The following RBFOX1 variants were observed in gnomAD, a reference collection of about 807,000 sequenced individuals.
RBFOX1 encodes the protein RNA binding protein fox-1 homolog 1.
Under a neutral mutation model 57.7 loss-of-function variants are expected in RBFOX1, and 8 were observed. The observed-to-expected ratio is 0.14, with a 90% CI of 0.08 to 0.25. The LOEUF is 0.25. Among genes scored for constraint, RBFOX1 ranks in the 10% least tolerant of loss-of-function variants. The pLI is 1.00. For missense variants in RBFOX1, 611 were observed against 548.5 expected (o/e 1.11, Z -1.14); for synonymous variants, 326 against 222.4 (o/e 1.47, Z -4.15).
At chr16:5,581,822 C>T (rs746579460) in intron 2 of RBFOX1, among the ~76,000 whole-genome samples, 4 of 151,724 alleles carry the variant, frequency 2.6e-5, no homozygotes, top group African/African-American at 9.7e-5. Context: ...CAAGGTGGGC[C>T]CAGGTAAGGT....
chr16:5,484,254 C>T (rs372138059), intron 2 of RBFOX1, among the ~76,000 whole-genome samples: 5 of 152,208 alleles, frequency 3.3e-5, no homozygotes, highest in Admixed American at 3.3e-4. Context: ...TCTCAATTCA[C>T]CCATGAATCT....
intron 4 of RBFOX1, among the ~76,000 whole-genome samples, chr16:7,483,085 C>A (rs911724596): frequency 6.6e-6 from 1 of 152,120 alleles, no homozygotes; most frequent in Non-Finnish European, 1.5e-5. Flanking sequence ...AAGGTGCTAC[C>A]CTTTTATTCA....
chr16:5,937,933 A>G (rs1012888802), intron 4 of RBFOX1, among the ~76,000 whole-genome samples: 1 of 152,092 alleles, frequency 6.6e-6, no homozygotes, highest in Non-Finnish European at 1.5e-5. Flanking sequence ...TGTCAAATAT[A>G]TGTTACAACA....
At chr16:6,898,545 C>A (rs1401976717) in intron 3 of RBFOX1, among the ~76,000 whole-genome samples, 1 of 152,136 alleles carries the variant, frequency 6.6e-6, no homozygotes, top group African/African-American at 2.4e-5. Context: ...GGAAACAGAA[C>A]ATGGATTCTG....
chr16:6,581,725 T>C (rs1177866442), intron 2 of RBFOX1, among the ~76,000 whole-genome samples: 2 of 152,188 alleles, frequency 1.3e-5, no homozygotes, highest in Non-Finnish European at 2.9e-5. Context: ...GACTCACAGC[T>C]GTGTTTATGG....
At chr16:6,959,662 C>A (rs916909934) in intron 3 of RBFOX1, among the ~76,000 whole-genome samples, 1 of 152,026 alleles carries the variant, frequency 6.6e-6, no homozygotes, top group African/African-American at 2.4e-5. Flanking sequence ...TGAGGCTGGG[C>A]GTAATGGCTC....
At chr16:5,587,388 G>A (rs549307277) in intron 2 of RBFOX1, among the ~76,000 whole-genome samples, 76 of 152,230 alleles carry the variant, frequency 5.0e-4, no homozygotes, top group Non-Finnish European at 9.6e-4. Context: ...AGATACCACT[G>A]CACACCCATT....
chr16:7,200,580 T>G (rs763546314), intron 4 of RBFOX1, among the ~76,000 whole-genome samples: 3 of 152,172 alleles, frequency 2.0e-5, no homozygotes, highest in Admixed American at 6.5e-5. Flanking sequence ...AAGAAGGAGT[T>G]GTGACAGAAA....
At chr16:6,681,138 C>A (rs944721739) in intron 3 of RBFOX1, among the ~76,000 whole-genome samples, 2 of 151,930 alleles carry the variant, frequency 1.3e-5, no homozygotes, top group Non-Finnish European at 2.9e-5. Flanking sequence ...TGGTGAGACC[C>A]CCATCTCTAC....
At chr16:7,266,651 G>C (rs1018955444) in intron 4 of RBFOX1, among the ~76,000 whole-genome samples, 2 of 152,030 alleles carry the variant, frequency 1.3e-5, no homozygotes, top group East Asian at 3.9e-4. Context: ...ACTTCACTCC[G>C]TAACAATGGT....
At chr16:7,705,697 A>G (rs1490767054) in intron 14 of RBFOX1, among the ~76,000 whole-genome samples, 1 of 152,190 alleles carries the variant, frequency 6.6e-6, no homozygotes, top group African/African-American at 2.4e-5. Flanking sequence ...AGAGATGGAC[A>G]GACTTGAGAG....
intron 3 of RBFOX1, among the ~76,000 whole-genome samples, chr16:5,743,529 C>T (rs992406747): frequency 6.6e-6 from 1 of 152,078 alleles, no homozygotes; most frequent in Non-Finnish European, 1.5e-5. Context: ...TGACTGGTGC[C>T]ACATATTAAA....
chr16:7,107,072 A>G (rs1478698), intron 4 of RBFOX1, among the ~76,000 whole-genome samples: 93,792 of 151,814 alleles, frequency 0.62, 29,234 homozygotes, highest in South Asian at 0.71. Context: ...ATACTTCTAT[A>G]AGGAACTGAT....
At chr16:6,256,577 C>T (rs1038428857) in intron 1 of RBFOX1, among the ~76,000 whole-genome samples, 9 of 151,912 alleles carry the variant, frequency 5.9e-5, no homozygotes, top group South Asian at 2.1e-4. Flanking sequence ...GCGATTAAAC[C>T]GATATAATCA....
chr16:5,359,355 G>A (rs924157029), intron 1 of RBFOX1, among the ~76,000 whole-genome samples: 15 of 152,168 alleles, frequency 9.9e-5, no homozygotes, highest in African/African-American at 3.4e-4. Context: ...TGGATCATAT[G>A]GTAGCTCCAC....
chr16:7,383,821 C>T (rs896230968), intron 4 of RBFOX1, among the ~76,000 whole-genome samples: 7 of 152,028 alleles, frequency 4.6e-5, no homozygotes, highest in African/African-American at 1.7e-4. Context: ...CTTTGGGAGG[C>T]CGAGGCGGGC....
At chr16:6,642,758 CTTT>C (rs2098502782) in intron 2 of RBFOX1, among the ~76,000 whole-genome samples, 1 of 152,106 alleles carries the variant, frequency 6.6e-6, no homozygotes, top group African/African-American at 2.4e-5. Context: ...GGCTTTACAG[CTTT>C]TTCCTGCCTA....
chr16:5,775,637 G>A (rs2054121782), intron 3 of RBFOX1, among the ~76,000 whole-genome samples: 1 of 152,158 alleles, frequency 6.6e-6, no homozygotes, highest in Non-Finnish European at 1.5e-5. Flanking sequence ...TCATCCACCT[G>A]AACATGGCCT....
chr16:5,689,164 A>G (rs2050593556), intron 3 of RBFOX1, among the ~76,000 whole-genome samples: 1 of 152,150 alleles, frequency 6.6e-6, no homozygotes, highest in African/African-American at 2.4e-5. Flanking sequence ...AGAGAACTGG[A>G]ATTGTGGGGA....
Sources: allele counts gnomAD v4.1 joint callset (sites outside exome capture counted in the v4.1 genomes callset), GRCh38; gene constraint gnomAD v4.1.1; transcripts MANE v1.5; gene names NCBI Gene and HGNC (gene_info 2026-07-23, HGNC 2026-07-21).